BTBD9: variants seen among roughly 807,000 people sequenced by gnomAD.
The protein encoded by BTBD9 is BTB/POZ domain-containing protein 9.
BTBD9 carries 49 observed loss-of-function variants against 64.3 expected under a neutral mutation model. That is an observed-to-expected ratio of 0.76 (90% CI 0.61 to 0.97). The LOEUF (loss-of-function observed/expected upper bound fraction) is 0.97. BTBD9 is among the 50% of genes least tolerant of loss of function. The pLI is 0.00. For missense variants in BTBD9, 598 were observed against 762.1 expected (o/e 0.78, Z 2.53); for synonymous variants, 260 against 274.7 (o/e 0.95, Z 0.53).
intron 4 of BTBD9, chr6:38,587,608 C>G: frequency 1.7e-6 from 1 of 580,606 alleles, no homozygotes; most frequent in Admixed American, 2.3e-5. Flanking sequence ...TAATGGCCAA[C>G]GAAGACCCCT....
chr6:38,604,372 G>A (rs1777354626), intron 1 of BTBD9, among the ~76,000 whole-genome samples: 1 of 152,204 alleles, frequency 6.6e-6, no homozygotes, highest in Non-Finnish European at 1.5e-5. Context: ...AAGCATGCAT[G>A]TAATTCCAAT....
intron 6 of BTBD9, among the ~76,000 whole-genome samples, chr6:38,530,582 A>C (rs2127429234): frequency 1.0e-5 from 1 of 97,552 alleles, no homozygotes; most frequent in Admixed American, 1.0e-4. Flanking sequence ...AATAGAAAGA[A>C]CCTACATTGA....
chr6:38,251,215 T>C (rs1370848404), intron 9 of BTBD9, among the ~76,000 whole-genome samples: 4 of 151,970 alleles, frequency 2.6e-5, no homozygotes, highest in African/African-American at 9.7e-5. Context: ...TTCTCATTTG[T>C]TTTATATCAA....
chr6:38,633,204 G>A (rs1481704399), intron 1 of BTBD9, among the ~76,000 whole-genome samples: 1 of 152,126 alleles, frequency 6.6e-6, no homozygotes. Flanking sequence ...TCTACATCAA[G>A]ATATTAACAT....
intron 1 of BTBD9, chr6:38,613,106 T>C (rs1777666296): frequency 6.6e-6 from 1 of 152,262 alleles, no homozygotes; most frequent in Non-Finnish European, 1.5e-5. Flanking sequence ...ATTGAGTAGT[T>C]GTCAAATTGG....
Position 38,592,761 on chromosome 6 carries a change from C to T in BTBD9, c.629G>A (p.Cys210Tyr). 5 of 1,614,188 alleles carry T rather than the reference C, an allele frequency of 3.1e-6. No individual in the cohort carries two copies. Among genetic ancestry groups the T allele is most frequent in the Non-Finnish European group, 4.2e-6 (5 of 1,180,026 alleles). ...ATGATTCTCCTTTGAATTGTGCTTA[C>T]ACCAGTTTAATAAGGCTAGGAAAAT... Reference protein sequence around the residue: ...KDIFLALLNWCKHNSKENHAE... With the variant: ...KDIFLALLNWYKHNSKENHAE... Residue 210 changes from cysteine to tyrosine, a missense_variant, in exon 4 of 11, where the codon TGT (cysteine) becomes TAT (tyrosine). Transcript: ENST00000481247.
chr6:38,181,156 A>C (rs1415543048), intron 10 of BTBD9, among the ~76,000 whole-genome samples: 1 of 152,234 alleles, frequency 6.6e-6, no homozygotes, highest in African/African-American at 2.4e-5. Flanking sequence ...AGCCTTTGCT[A>C]ATTTTCCCAA....
intron 9 of BTBD9, among the ~76,000 whole-genome samples, chr6:38,210,429 T>C (rs1397178294): frequency 1.3e-5 from 2 of 152,156 alleles, no homozygotes; most frequent in Non-Finnish European, 2.9e-5. Context: ...GCAGCTGTGC[T>C]AGAAACGCAA....
chr6:38,524,389 A>G (rs1318862212), intron 6 of BTBD9, among the ~76,000 whole-genome samples: 2 of 152,200 alleles, frequency 1.3e-5, no homozygotes, highest in Non-Finnish European at 2.9e-5. Context: ...TAAGAAGTTA[A>G]AAAAATCCCA....
Position 38,537,292 on chromosome 6 carries a change from C to T in BTBD9, c.1154+40308G>A, listed in dbSNP as rs1281978303. On this transcript the variant is annotated intron_variant, in intron 6 of 10. Transcript: ENST00000481247. ...AAGGCATCAGACTACAATAGCCATA[C>T]TCTTAACCTTGGAAACAACCACTCC... Among the ~76,000 whole-genome samples the T allele has an allele frequency of 2.0e-5, 3 of 152,308 alleles. No homozygotes were observed. The East Asian group carries it at 5.8e-4, about 29-fold the overall frequency.
In BTBD9 at chr6:38,246,448, G is replaced by T. The variant is rs576474307; in HGVS notation, c.1562+9961C>A. Among the ~76,000 whole-genome samples the T allele has an allele frequency of 6.0e-5, 9 of 149,018 alleles. No homozygotes were observed. In the Admixed American group the frequency reaches 6.2e-4, roughly 10 times the overall value. On this transcript the variant is annotated intron_variant, in intron 9 of 10. Coordinates refer to ENST00000481247, the MANE Select transcript of BTBD9 (RefSeq NM_001099272.2). ...GGATCTGCCTAGGGTCAGACTTGGCGCACGTGCACGTACGTGTGTGTGTGT... is the reference window on the plus strand; with the variant it reads ...GGATCTGCCTAGGGTCAGACTTGGCTCACGTGCACGTACGTGTGTGTGTGT...
At chr6:38,266,629 A>AGGAAAGAAAGGAAAGAAAG (rs1253856980) in intron 8 of BTBD9, among the ~76,000 whole-genome samples, 1 of 84,000 alleles carries the variant, frequency 1.2e-5, no homozygotes. Context: ...AAAGAAAGAA[A>AGGAAAGAAAGGAAAGAAAG]GAAAGAAAGA....
At chr6:38,580,175 T>A in intron 5 of BTBD9, 43 bp downstream of exon 5, 1 of 1,576,190 alleles carries the variant, frequency 6.3e-7, no homozygotes, top group Non-Finnish European at 8.7e-7. Context: ...AGCTAAGTCA[T>A]CTCAAACATA....
chr6:38,559,839 A>G (rs972007943), intron 6 of BTBD9, among the ~76,000 whole-genome samples: 2 of 152,204 alleles, frequency 1.3e-5, no homozygotes, highest in Non-Finnish European at 2.9e-5. Flanking sequence ...AGAATTCCCT[A>G]TTTAATAAAC....
chr6:38,530,599 G>A (rs550756800), intron 6 of BTBD9, among the ~76,000 whole-genome samples: 1 of 97,254 alleles, frequency 1.0e-5, no homozygotes, highest in African/African-American at 3.0e-5. Flanking sequence ...TTGAAATATT[G>A]GGGGTGGGTT....
At chr6:38,598,188 T>C in intron 1 of BTBD9, 67 bp from the exon 2 acceptor site, 1 of 1,204,692 alleles carries the variant, frequency 8.3e-7, no homozygotes, top group Non-Finnish European at 1.2e-6. Context: ...TCACTTACCA[T>C]AAACACAGCT....
At chr6:38,443,449 C>T (rs117004733) in intron 6 of BTBD9, among the ~76,000 whole-genome samples, 2 of 152,334 alleles carry the variant, frequency 1.3e-5, no homozygotes, top group East Asian at 3.9e-4. Flanking sequence ...CCCTGTCTCA[C>T]TTTCCCCTTA....
chr6:38,334,810 C>T (rs943763688), intron 7 of BTBD9, among the ~76,000 whole-genome samples: 2 of 151,774 alleles, frequency 1.3e-5, no homozygotes, highest in African/African-American at 4.8e-5. Context: ...TAAAGTAAAT[C>T]CTATAAAACA....
At chr6:38,610,917 TG>T (rs1041107753) in intron 1 of BTBD9, among the ~76,000 whole-genome samples, 35 of 124,016 alleles carry the variant, frequency 2.8e-4, no homozygotes, top group African/African-American at 7.4e-4. Flanking sequence ...AAAACCGGGG[TG>T]GGGGGGGGAC....
Sources: allele counts gnomAD v4.1 joint callset (sites outside exome capture counted in the v4.1 genomes callset), GRCh38; gene constraint gnomAD v4.1.1; transcripts MANE v1.5; gene names NCBI Gene and HGNC (gene_info 2026-07-23, HGNC 2026-07-21).